RNF38: variants seen among roughly 807,000 people sequenced by gnomAD.
RNF38 encodes the protein E3 ubiquitin-protein ligase RNF38.
Under a neutral mutation model 67.2 loss-of-function variants are expected in RNF38, and 15 were observed. That is an observed-to-expected ratio of 0.22 (90% CI 0.15 to 0.34). The LOEUF (loss-of-function observed/expected upper bound fraction) is 0.34. Ranked by LOEUF, RNF38 falls within the 10% of genes least tolerant of loss-of-function variation. RNF38 has a pLI of 1.00. For synonymous variants in RNF38, 220 were observed against 218.8 expected, an observed-to-expected ratio of 1.01 and a Z score of -0.05; for missense variants, 524 against 639.9, an observed-to-expected ratio of 0.82 and a Z score of 1.95.
chr9:36,378,053 T>A (rs1371237943), intron 2 of RNF38, among the ~76,000 whole-genome samples: 1 of 151,330 alleles, frequency 6.6e-6, no homozygotes, highest in Non-Finnish European at 1.5e-5. Context: ...ATTTAAATAT[T>A]CTGATTTTTT....
chr9:36,409,724 G>A (rs947926230), intron 2 of RNF38, among the ~76,000 whole-genome samples: 16 of 152,128 alleles, frequency 1.1e-4, no homozygotes, highest in African/African-American at 3.6e-4. Context: ...ATCCTAACAC[G>A]AATGGTTTTG....
intron 1 of RNF38, among the ~76,000 whole-genome samples, chr9:36,452,947 T>C (rs1839492964): frequency 6.6e-6 from 1 of 152,234 alleles, no homozygotes; most frequent in Admixed American, 6.5e-5. Context: ...TAATGAATAA[T>C]GATCAATCCT....
intron 4 of RNF38, among the ~76,000 whole-genome samples, chr9:36,365,809 G>C (rs534650787): frequency 3.2e-4 from 49 of 151,464 alleles, no homozygotes; most frequent in Admixed American, 5.9e-4. Context: ...GGGACTACAG[G>C]TGCGCGCCAC....
chr9:36,364,660 A>G (rs1430922565), intron 4 of RNF38, among the ~76,000 whole-genome samples: 2 of 152,210 alleles, frequency 1.3e-5, no homozygotes, highest in African/African-American at 2.4e-5. Flanking sequence ...TTTTATAATA[A>G]TTCCTAGTAA....
intron 2 of RNF38, among the ~76,000 whole-genome samples, chr9:36,389,554 G>A (rs1429820712): frequency 6.6e-6 from 1 of 152,038 alleles, no homozygotes; most frequent in African/African-American, 2.4e-5. Context: ...TTTATTGTGA[G>A]GGCTAAAAAC....
At chr9:36,462,461 G>A (rs1839755962) in intron 1 of RNF38, among the ~76,000 whole-genome samples, 1 of 152,128 alleles carries the variant, frequency 6.6e-6, no homozygotes, top group African/African-American at 2.4e-5. Flanking sequence ...CCTCTGCTCA[G>A]TGATCTCATC....
At chr9:36,470,686 T>C (rs758886723) in intron 1 of RNF38, among the ~76,000 whole-genome samples, 3 of 152,142 alleles carry the variant, frequency 2.0e-5, no homozygotes, top group Non-Finnish European at 2.9e-5. Flanking sequence ...GTAGCAGGAA[T>C]CTGTCACCTT....
At chr9:36,370,438 A>C (rs1835290266) in intron 3 of RNF38, among the ~76,000 whole-genome samples, 1 of 152,200 alleles carries the variant, frequency 6.6e-6, no homozygotes. Flanking sequence ...GAAATAACCA[A>C]AGAACATATA....
chr9:36,354,029 T>C (rs890240186), intron 6 of RNF38, among the ~76,000 whole-genome samples: 7 of 152,164 alleles, frequency 4.6e-5, no homozygotes, highest in Non-Finnish European at 8.8e-5. Flanking sequence ...GAGATATAAC[T>C]GACATATGAT....
At chr9:36,404,272 T>A (rs926028384), upstream of RNF38, among the ~76,000 whole-genome samples, 1 of 152,190 alleles carries the variant, frequency 6.6e-6, no homozygotes, top group Non-Finnish European at 1.5e-5. Context: ...CTGGGTTCAG[T>A]AGTCTGTTGC....
rs573214074 is a variant in RNF38, at chr9:36,448,482, T to C, written n.242-23799A>G. Among the ~76,000 whole-genome samples, 231 of 152,314 alleles carry C rather than the reference T, an allele frequency of 1.5e-3. 1 individual carries two copies. Among genetic ancestry groups the C allele is most frequent in the African/African-American group, 5.4e-3 (225 of 41,548 alleles). On this transcript the variant is annotated intron_variant and non_coding_transcript_variant, in intron 1 of 3. Transcript: ENST00000488058. ...AGCTGTTTTCTTTTTGGTAAATCTG[T>C]GCTATAAAGTAGTGGTGGTATAGTA... is the stretch of plus-strand genomic sequence containing the variant.
chr9:36,463,620 C>A (rs1839788317), intron 1 of RNF38, among the ~76,000 whole-genome samples: 1 of 152,024 alleles, frequency 6.6e-6, no homozygotes, highest in African/African-American at 2.4e-5. Context: ...AAGACGTGGT[C>A]ACGAAGGGGG....
chr9:36,378,794 A>G (rs890546047), intron 2 of RNF38, among the ~76,000 whole-genome samples: 1 of 152,220 alleles, frequency 6.6e-6, no homozygotes, highest in African/African-American at 2.4e-5. Context: ...GTGGCTGCGA[A>G]AAGTAAAGTT....
chr9:36,473,599 TTAAA>T (rs967751957), intron 1 of RNF38, among the ~76,000 whole-genome samples: 9 of 151,570 alleles, frequency 5.9e-5, no homozygotes, highest in East Asian at 3.9e-4. Flanking sequence ...AAAAAAGATA[TTAAA>T]TAAATAAATA....
rs370038993 is a variant in RNF38 at position 36,473,136 on chromosome 9, AAAAT to A, written n.241+14168_241+14171del. On this transcript the variant is annotated intron_variant and non_coding_transcript_variant, in intron 1 of 3. Transcript: ENST00000488058. ...GACAAGCGCGAAACTCCATCTCCAA[AAAAT>A]AAATAAACACAATAAATAAAAAAAT... 1.6e-4 allele frequency among the ~76,000 whole-genome samples: 24 copies of A among 152,118 alleles called. No individual in the cohort carries two copies. The East Asian group carries it at 3.7e-3, about 23-fold the overall frequency.
intron 1 of RNF38, among the ~76,000 whole-genome samples, chr9:36,469,329 C>CT (rs11461344): frequency 0.67 from 101,600 of 151,546 alleles, 34,143 homozygotes; most frequent in Non-Finnish European, 0.69. Flanking sequence ...TTTGTTCAAT[C>CT]TTTTTTTTCC....
intron 10 of RNF38, among the ~76,000 whole-genome samples, chr9:36,343,651 A>G (rs1833009129): frequency 6.6e-6 from 1 of 152,222 alleles, no homozygotes; most frequent in African/African-American, 2.4e-5. Context: ...ATTCAATCCC[A>G]AAGTGGAAAC....
chr9:36,343,185 C>T (rs1412257337), intron 10 of RNF38, among the ~76,000 whole-genome samples: 1 of 152,078 alleles, frequency 6.6e-6, no homozygotes, highest in Admixed American at 6.6e-5. Flanking sequence ...TGGTTGAATA[C>T]AGAGGGCTTA....
intron 4 of RNF38, among the ~76,000 whole-genome samples, chr9:36,365,014 A>C (rs570772496): frequency 6.6e-6 from 1 of 152,346 alleles, no homozygotes; most frequent in South Asian, 2.1e-4. Context: ...AACCAAAGAC[A>C]ATACAGATGA....
Sources: allele counts gnomAD v4.1 joint callset (sites outside exome capture counted in the v4.1 genomes callset), GRCh38; gene constraint gnomAD v4.1.1; transcripts MANE v1.5; gene names NCBI Gene and HGNC (gene_info 2026-07-23, HGNC 2026-07-21).